DIAPH2: variants seen among roughly 807,000 people sequenced by gnomAD.
DIAPH2 encodes the protein protein diaphanous homolog 2.
Under a neutral mutation model 92.7 loss-of-function variants are expected in DIAPH2, and 35 were observed. The observed-to-expected ratio is 0.38, with a 90% CI of 0.29 to 0.50. The LOEUF is 0.50. Ranked by LOEUF, DIAPH2 falls within the 20% of genes least tolerant of loss-of-function variation. DIAPH2 has a pLI of 0.94. For synonymous variants in DIAPH2, 301 were observed against 280.4 expected (o/e 1.07, Z -0.73); for missense variants, 701 against 819.5 (o/e 0.86, Z 1.77).
intron 23 of DIAPH2, among the ~76,000 whole-genome samples, chrX:97,334,402 G>T (rs368544973): frequency 4.1e-3 from 347 of 84,411 alleles, no homozygotes; most frequent in Middle Eastern, 5.7e-3. Flanking sequence ...GGCGGAGCTT[G>T]CAGTGAGCCG....
chrX:97,075,203 A>G lies in DIAPH2; in HGVS notation c.2189A>G (p.Asp730Gly). Residue 730 changes from aspartate (D) to glycine (G), a missense_variant, in exon 19 of 27, where the codon GAC becomes GGC. By Grantham distance (94) the Asp-to-Gly change is moderately conservative. Coordinates refer to ENST00000324765, the MANE Select transcript of DIAPH2 (RefSeq NM_006729.5). ...GGATCATATCGCATGCCATATGAAG[A>G]CATAAGAAACGTTATTCTGGAGGTT... ...FLGSYRMPYE[D>G]IRNVILEVNE... 8.4e-7 allele frequency: 1 copy of G among 1,192,563 alleles called. No individual in the cohort carries two copies.
At chrX:97,369,223 G>A (rs927268419) in intron 24 of DIAPH2, among the ~76,000 whole-genome samples, 4 of 111,561 alleles carry the variant, frequency 3.6e-5, no homozygotes, top group Non-Finnish European at 7.5e-5. Flanking sequence ...CTACCTTTCA[G>A]AGGCTGTTAA....
chrX:97,043,427 A>T (rs900742170), intron 17 of DIAPH2, among the ~76,000 whole-genome samples: 1 of 110,530 alleles, frequency 9.0e-6, no homozygotes, highest in African/African-American at 3.3e-5. Flanking sequence ...TTTATTTTGT[A>T]TTTATATCCT....
At chrX:96,735,949 C>T (rs1023916988) in intron 2 of DIAPH2, among the ~76,000 whole-genome samples, 159 bp downstream of exon 2, 2 of 111,795 alleles carry the variant, frequency 1.8e-5, no homozygotes, top group East Asian at 2.8e-4. Context: ...ACTTCCTTTT[C>T]GAATATTAAC....
intron 23 of DIAPH2, among the ~76,000 whole-genome samples, chrX:97,328,420 G>C (rs1284535042): frequency 9.0e-6 from 1 of 111,470 alleles, no homozygotes; most frequent in African/African-American, 3.3e-5. Context: ...GATACAGAGT[G>C]AGACTCTGTA....
At chrX:97,028,657 A>T (rs1331885064) in intron 17 of DIAPH2, among the ~76,000 whole-genome samples, 1 of 112,042 alleles carries the variant, frequency 8.9e-6, no homozygotes, top group Non-Finnish European at 1.9e-5. Context: ...ATGGCTGAGT[A>T]GTATTCGGTT....
At chrX:96,917,417 AC>A (rs1002843729) in intron 8 of DIAPH2, among the ~76,000 whole-genome samples, 1 of 111,496 alleles carries the variant, frequency 9.0e-6, no homozygotes, top group Admixed American at 9.6e-5. Flanking sequence ...CAAACACTAA[AC>A]AAAAATATTA....
intron 26 of DIAPH2, among the ~76,000 whole-genome samples, chrX:97,473,855 G>T (rs1001301000): frequency 1.8e-5 from 2 of 111,491 alleles, no homozygotes; most frequent in African/African-American, 3.3e-5. Flanking sequence ...AGCTACTCAG[G>T]AGGCTGAGGC....
intron 5 of DIAPH2, among the ~76,000 whole-genome samples, chrX:96,890,887 C>T (rs2065302698): frequency 8.9e-6 from 1 of 111,839 alleles, no homozygotes; most frequent in African/African-American, 3.2e-5. Context: ...TGTACATTTC[C>T]CTCAACATTT....
rs1395173381 is a variant in DIAPH2 at position 97,018,301 on chromosome X, C to A, written c.2050+53094C>A. 1.6e-4 allele frequency among the ~76,000 whole-genome samples: 18 copies of A among 112,083 alleles called. No individual in the cohort carries two copies. In the Admixed American group the frequency reaches 1.7e-3, roughly 11 times the overall value. Reference sequence around the variant, plus strand: ...AATTCAGTGTAAAAGTTTATATGTACATGTTTATTTTATAACATTTTGGGG... The same window carrying A: ...AATTCAGTGTAAAAGTTTATATGTAAATGTTTATTTTATAACATTTTGGGG... On this transcript the variant is annotated intron_variant, in intron 17 of 26. Coordinates refer to ENST00000324765, the MANE Select transcript of DIAPH2 (RefSeq NM_006729.5).
chrX:97,436,074 G>A (rs2070183284), intron 26 of DIAPH2, among the ~76,000 whole-genome samples: 1 of 111,126 alleles, frequency 9.0e-6, no homozygotes, highest in African/African-American at 3.3e-5. Context: ...AAAAGTGCTG[G>A]GATTACAGGC....
At chrX:96,725,421 T>C (rs998046534) in intron 1 of DIAPH2, among the ~76,000 whole-genome samples, 2 of 112,413 alleles carry the variant, frequency 1.8e-5, no homozygotes, top group African/African-American at 6.4e-5. Context: ...AAAAACACTT[T>C]TTAAATTTTC....
intron 26 of DIAPH2, among the ~76,000 whole-genome samples, chrX:97,515,131 A>T (rs1046480386): frequency 5.4e-5 from 6 of 111,917 alleles, no homozygotes; most frequent in African/African-American, 1.9e-4. Context: ...TTGCAGTTTG[A>T]TCTCAGACTG....
intron 4 of DIAPH2, among the ~76,000 whole-genome samples, chrX:96,860,664 A>G (rs2147723768): frequency 9.0e-6 from 1 of 111,705 alleles, no homozygotes. Context: ...ATACTAATGG[A>G]AAATTGGGGT....
chrX:96,962,276 TATATATATAC>T (rs1569436355), intron 16 of DIAPH2, among the ~76,000 whole-genome samples: 6 of 80,549 alleles, frequency 7.4e-5, no homozygotes, highest in Non-Finnish European at 1.2e-4. Flanking sequence ...TATATATACA[TATATATATAC>T]ATATATATAT....
rs188354530 is a variant in DIAPH2, at chrX:96,997,375, A to G, written c.2050+32168A>G. Among the ~76,000 whole-genome samples the G allele has an allele frequency of 5.2e-3, 579 of 111,194 alleles. 1 individual carries two copies. Among genetic ancestry groups the G allele is most frequent in the Admixed American group, 9.2e-3 (96 of 10,443 alleles). ...AAGTATGGTGAAATTAGCCCTCAGA[A>G]TTTTTTTGCCTCAGTGTGTAAGATA... On this transcript the variant is annotated intron_variant, in intron 17 of 26. Transcript: ENST00000324765.
At chrX:97,073,975 T>C (rs1002885473) in intron 18 of DIAPH2, among the ~76,000 whole-genome samples, 5 of 112,213 alleles carry the variant, frequency 4.5e-5, no homozygotes, top group African/African-American at 9.7e-5. Context: ...ATTATTCTTT[T>C]AGATTGTGGA....
chrX:96,901,662 G>A (rs1301229091), intron 5 of DIAPH2, among the ~76,000 whole-genome samples: 22 of 103,331 alleles, frequency 2.1e-4, no homozygotes, highest in African/African-American at 6.8e-4. Flanking sequence ...AGCCTCCCAA[G>A]TAGCTGGGAC....
chrX:96,738,958 A>G (rs1346371305), intron 3 of DIAPH2, among the ~76,000 whole-genome samples, 196 bp downstream of exon 3: 1 of 110,586 alleles, frequency 9.0e-6, no homozygotes, highest in African/African-American at 3.3e-5. Context: ...TTACCTGTCT[A>G]TCTCTTCCAC....
Sources: gnomAD v4.1 joint callset for allele counts (sites outside exome capture counted in the v4.1 genomes callset) on GRCh38, gnomAD v4.1.1 for gene constraint, MANE v1.5 for transcripts, NCBI Gene and HGNC (gene_info 2026-07-23, HGNC 2026-07-21) for gene names.